Variants in KIF7 observed in about 807,000 individuals in gnomAD.
The protein encoded by KIF7 is kinesin-like protein KIF7.
KIF7 carries 104 observed loss-of-function variants against 135.7 expected under a neutral mutation model. The observed-to-expected ratio is 0.77, with a 90% CI of 0.65 to 0.90. The LOEUF is 0.90. KIF7 is among the 40% of genes least tolerant of loss of function. KIF7 has a pLI of 0.00. For missense variants in KIF7, 2,005 were observed against 1,839.1 expected (o/e 1.09, Z -1.65); for synonymous variants, 883 against 809.4 (o/e 1.09, Z -1.54).
chr15:89,654,822 G>A (rs1964182643), intron 1 of KIF7, among the ~76,000 whole-genome samples: 1 of 152,182 alleles, frequency 6.6e-6, no homozygotes, highest in Non-Finnish European at 1.5e-5. Flanking sequence ...CTCTCTCTCA[G>A]CACAGTAACC....
At chr15:89,643,091 G>A (rs1963951796) in intron 10 of KIF7, among the ~76,000 whole-genome samples, 1 of 152,020 alleles carries the variant, frequency 6.6e-6, no homozygotes, top group Non-Finnish European at 1.5e-5. Flanking sequence ...CGTGGGGTTT[G>A]GGACATTCAG....
At position 89,648,439 on chromosome 15, in the gene KIF7, T is replaced by C. The variant is rs1964057493; in HGVS notation, c.1259A>G (p.Tyr420Cys). 1 of 1,104,140 alleles carries C rather than the reference T, an allele frequency of 9.1e-7. No individual in the cohort carries two copies. The highest frequency in any genetic ancestry group is 1.1e-6 in the Non-Finnish European group (1 of 906,196). The allele number at this position is 1,104,140 out of a possible 1,614,324, so 68.4% of individuals were successfully genotyped here. ...ARYRACTDAAYSLLRELQAEP... is the reference protein window; with the variant it reads ...ARYRACTDAACSLLRELQAEP... ...GGCCTGCAGCTCGCGCAAGAGGCTGTAGGCGGCGTCGGTGCAGGCCCGGTA... is the reference window on the plus strand; with the variant it reads ...GGCCTGCAGCTCGCGCAAGAGGCTGCAGGCGGCGTCGGTGCAGGCCCGGTA... The change falls in exon 5 of 19, where the codon TAC (tyrosine) becomes TGC (cysteine). Residue 420 changes from tyrosine (Y) to cysteine (C), a missense_variant. Physicochemically the swap from Tyr to Cys is radical, Grantham distance 194. Transcript: ENST00000394412.
At chr15:89,655,627 T>A (rs1300672448), upstream of KIF7, among the ~76,000 whole-genome samples, 1 of 151,474 alleles carries the variant, frequency 6.6e-6, no homozygotes, top group African/African-American at 2.4e-5. Flanking sequence ...GCCTGGAGAG[T>A]GTGCAGCATC....
rs1392281954 is a variant in KIF7 at position 89,642,305 on chromosome 15, C to G, written c.2292G>C (p.Arg764Ser). 1.3e-5 allele frequency: 21 copies of G among 1,610,914 alleles called. No individual in the cohort carries two copies. The highest frequency in any genetic ancestry group is 1.8e-5 in the Non-Finnish European group (21 of 1,179,514). ...CCTTGCCCTCGAGCTCCCGCAGCTG[C>G]CTCTGGCCTTCACTCAGCTCGGCCC... The part of the protein sequence containing the change: ...QVRAELSEGQ[R>S]QLRELEGKEL... The change falls in exon 11 of 19, where the codon AGG becomes AGC. Residue 764 changes from arginine (R) to serine (S), a missense_variant. Transcript: ENST00000394412.
intron 5 of KIF7, 24 bp downstream of exon 5, chr15:89,648,231 A>C: frequency 6.7e-7 from 1 of 1,488,930 alleles, no homozygotes; most frequent in Non-Finnish European, 9.0e-7. Flanking sequence ...CCACAACCAC[A>C]ACCACAACCT....
intron 1 of KIF7, among the ~76,000 whole-genome samples, chr15:89,622,056 A>G (rs1410970839): frequency 2.2e-5 from 3 of 135,266 alleles, no homozygotes; most frequent in Admixed American, 1.7e-4. Context: ...GCACGATCTC[A>G]GCTCACTGCA....
At position 89,629,007 on chromosome 15, in the gene KIF7, G is replaced by A. The variant is rs759656179; in HGVS notation, c.3633C>T (p.Leu1211=). The change falls in exon 18 of 19, where the codon CTC becomes CTT. Residue 1211 remains leucine (L), a synonymous_variant. Coordinates refer to ENST00000394412, the MANE Select transcript of KIF7 (RefSeq NM_198525.3). ...MWINQELKQK[L]GGVNAVGHSR... ...TGTGGCCTACAGCGTTCACACCGCC[G>A]AGCTTCTGTTTCAGTTCCTGGTTTA... 4.2e-5 allele frequency: 67 copies of A among 1,613,566 alleles called. No individual in the cohort carries two copies. The highest frequency in any genetic ancestry group is 6.7e-5 in the East Asian group (3 of 44,814).
At chr15:89,644,540 G>A (rs1480364745) in intron 10 of KIF7, among the ~76,000 whole-genome samples, 1 of 151,618 alleles carries the variant, frequency 6.6e-6, no homozygotes, top group Non-Finnish European at 1.5e-5. Context: ...AAAAAATTAG[G>A]TGGGTGTGGT....
At chr15:89,622,524 C>G (rs1023272678) in intron 1 of KIF7, among the ~76,000 whole-genome samples, 4 of 152,182 alleles carry the variant, frequency 2.6e-5, no homozygotes, top group African/African-American at 7.2e-5. Flanking sequence ...AAGTGGAACT[C>G]TTGGGTTCAA....
downstream of KIF7, chr15:89,624,449 A>C: frequency 6.2e-7 from 1 of 1,614,032 alleles, no homozygotes. Flanking sequence ...CCCCCTTCTA[A>C]AGTTGGGAAA....
intron 16 of KIF7, 116 bp downstream of exon 16, chr15:89,630,171 T>G: frequency 1.0e-6 from 1 of 984,698 alleles, no homozygotes; most frequent in Non-Finnish European, 1.6e-6. Flanking sequence ...GAGTTGGTCC[T>G]GATTCTGTCC....
intron 4 of KIF7, 87 bp downstream of exon 4, chr15:89,648,887 G>A (rs1237986026): frequency 6.2e-6 from 9 of 1,462,162 alleles, no homozygotes; most frequent in Non-Finnish European, 1.8e-6. Flanking sequence ...AGACCTCAGG[G>A]GACCTGGGCT....
At chr15:89,630,608 CCCAAGG>C in intron 15 of KIF7, 115 bp from the exon 16 acceptor site, 1 of 872,834 alleles carries the variant, frequency 1.1e-6, no homozygotes. Flanking sequence ...GTCCCCTCGT[CCCAAGG>C]GCCAAGTCAG....
chr15:89,627,793 A>C (rs1963562432), downstream of KIF7: 1 of 152,314 alleles, frequency 6.6e-6, no homozygotes, highest in Non-Finnish European at 1.5e-5. Context: ...AGTGCCCCAC[A>C]GGAGTGCCCC....
Position 89,649,108 on chromosome 15 carries a change from G to A in KIF7, c.789C>T (p.Gly263=), listed in dbSNP as rs773719507. The A allele has an allele frequency of 7.1e-6, 11 of 1,547,756 alleles. No individual in the cohort carries two copies. The South Asian group carries it at 1.3e-4, about 18-fold the overall frequency. ...TCTCCTTGAGCCGCTCGCCGGTGCT[G>A]CCCGTCTTGAGCACCCTCTCTGAGC... The part of the protein sequence containing the change: ...LAGSERVLKT[G]STGERLKESI... The change falls in exon 4 of 19, where the codon GGC becomes GGT. Residue 263 remains glycine (G), a synonymous_variant. Transcript: ENST00000394412.
intron 8 of KIF7, 35 bp from the exon 9 acceptor site, chr15:89,645,486 C>G (rs1188415037): frequency 6.5e-7 from 1 of 1,531,388 alleles, no homozygotes; most frequent in East Asian, 2.3e-5. Context: ...TGCTCCTCCC[C>G]AGCCCCTGCC....
Position 89,652,679 on chromosome 15 carries a change from C to G in KIF7, c.252G>C (p.Glu84Asp), listed in dbSNP as rs1391195209. The change falls in exon 2 of 19, where the codon GAG becomes GAC. Residue 84 changes from glutamate (E) to aspartate (D), a missense_variant. By Grantham distance (45) the Glu-to-Asp change is conservative. Transcript: ENST00000394412. ...AGGCAAAGACAGTGGCATTGAAGCC[C>G]TCGAAGAAGGCCTCAAGGAGGGGCT... ...CVQPLLEAFF[E>D]GFNATVFAYG... The G allele has an allele frequency of 1.3e-5, 20 of 1,551,268 alleles. No homozygotes were observed. Among genetic ancestry groups the G allele is most frequent in the Non-Finnish European group, 1.7e-5 (19 of 1,146,616 alleles).
Position 89,629,714 on chromosome 15 carries a change from C to T in KIF7, c.3319-141G>A, listed in dbSNP as rs75760994. 5,116 of 1,064,960 alleles carry T rather than the reference C, an allele frequency of 4.8e-3. 175 individuals are homozygous for T. The African/African-American group carries it at 0.07, about 15-fold the overall frequency. The allele number at this position is 1,064,960 out of a possible 1,614,324, so 66.0% of individuals were successfully genotyped here. On this transcript the variant is annotated intron_variant, in intron 16 of 18. Coordinates refer to ENST00000394412, the MANE Select transcript of KIF7 (RefSeq NM_198525.3). Reference sequence around the variant, plus strand: ...GGGTCTTCCCTGCTGAGCCAAGACTCAGCCTCAGACACCTCAGCAGTGCTC... The same window carrying T: ...GGGTCTTCCCTGCTGAGCCAAGACTTAGCCTCAGACACCTCAGCAGTGCTC...
chr15:89,653,110 G>A (rs988630523), intron 1 of KIF7, among the ~76,000 whole-genome samples, 156 bp from the exon 2 acceptor site: 1 of 152,200 alleles, frequency 6.6e-6, no homozygotes, highest in Non-Finnish European at 1.5e-5. Context: ...CCAACCTGGT[G>A]CTCAAAAATT....
Sources: allele counts gnomAD v4.1 joint callset (sites outside exome capture counted in the v4.1 genomes callset), GRCh38; gene constraint gnomAD v4.1.1; transcripts MANE v1.5; gene names NCBI Gene and HGNC (gene_info 2026-07-23, HGNC 2026-07-21).